The following COMMD1 variants were observed in gnomAD, a reference collection of about 807,000 sequenced individuals.
The protein encoded by COMMD1 is copper metabolism domain containing 1, also known as COMM domain-containing protein 1.
Under a neutral mutation model 17.2 loss-of-function variants are expected in COMMD1, and 10 were observed. The observed-to-expected ratio is 0.58, with a 90% CI of 0.36 to 0.99. COMMD1 has a LOEUF of 0.99. COMMD1 is among the 50% of genes least tolerant of loss of function. The pLI is 0.01. For synonymous variants in COMMD1, 97 were observed against 91.6 expected (o/e 1.06, Z -0.34); for missense variants, 270 against 231.8 (o/e 1.17, Z -1.07).
In COMMD1 at chr2:61,996,994, G is replaced by A. The variant is rs147345304; in HGVS notation, c.181-3707G>A. 1.9e-4 allele frequency among the ~76,000 whole-genome samples: 29 copies of A among 151,948 alleles called. No homozygotes were observed. In the East Asian group the frequency reaches 5.6e-3, roughly 29 times the overall value. On this transcript the variant is annotated intron_variant, in intron 1 of 2. Transcript: ENST00000311832. ...TTCCTGAAGGTTTTCAGTTTATTCT[G>A]CCTGGATCCATTAGAGTAATCACTG...
intron 1 of COMMD1, among the ~76,000 whole-genome samples, chr2:61,971,218 G>T (rs960767422): frequency 2.6e-5 from 4 of 152,218 alleles, no homozygotes; most frequent in Admixed American, 2.6e-4. Flanking sequence ...TCCTTGGCTG[G>T]TTGCCGTGAG....
chr2:61,957,532 G>T (rs1437221217), intron 1 of COMMD1, among the ~76,000 whole-genome samples: 1 of 152,094 alleles, frequency 6.6e-6, no homozygotes, highest in Non-Finnish European at 1.5e-5. Flanking sequence ...TGCTGGTTAA[G>T]TTGGAATCTG....
At chr2:61,915,018 T>C (rs1312990063) in intron 1 of COMMD1, among the ~76,000 whole-genome samples, 3 of 151,554 alleles carry the variant, frequency 2.0e-5, no homozygotes, top group African/African-American at 4.8e-5. Flanking sequence ...TTTTTTTTTT[T>C]TTTGAGATGG....
chr2:62,082,225 A>G (rs1326991565), intron 2 of COMMD1, among the ~76,000 whole-genome samples: 3 of 152,248 alleles, frequency 2.0e-5, no homozygotes, highest in Non-Finnish European at 4.4e-5. Context: ...GCTGAACAAC[A>G]GAACATAGAC....
chr2:62,065,573 G>T (rs1447511145), intron 2 of COMMD1, among the ~76,000 whole-genome samples: 1 of 151,866 alleles, frequency 6.6e-6, no homozygotes, highest in Non-Finnish European at 1.5e-5. Context: ...CCCTGCCTCA[G>T]CCTCCCAAAC....
In COMMD1 at chr2:62,135,926, C is replaced by T. The variant is rs759529377; in HGVS notation, c.558C>T (p.Ile186=). 15 of 1,581,802 alleles carry T rather than the reference C, an allele frequency of 9.5e-6. 1 individual carries two copies. The highest frequency in any genetic ancestry group is 1.7e-4 in the Middle Eastern group (1 of 5,996). ...SEVEESISTL[I]SQPN is the part of the protein sequence containing the mutation. Reference sequence around the variant, plus strand: ...TAGAAGAAAGTATCAGCACACTGATCAGCCAGCCTAACTGAAGATGATGTA... The same window carrying T: ...TAGAAGAAAGTATCAGCACACTGATTAGCCAGCCTAACTGAAGATGATGTA... Residue 186 remains isoleucine (I), a synonymous_variant, in exon 3 of 3, where the codon ATC becomes ATT. Transcript: ENST00000311832.
chr2:62,028,680 T>G (rs1669837744), intron 2 of COMMD1, among the ~76,000 whole-genome samples: 1 of 152,246 alleles, frequency 6.6e-6, no homozygotes, highest in African/African-American at 2.4e-5. Context: ...GGATGGATTA[T>G]AAAATTTAAT....
intron 2 of COMMD1, among the ~76,000 whole-genome samples, chr2:62,042,684 C>T (rs936478081): frequency 9.8e-5 from 15 of 152,344 alleles, no homozygotes; most frequent in South Asian, 4.1e-4. Flanking sequence ...GCTCCTCGAG[C>T]GCAGCCAGAG....
chr2:61,944,692 C>T (rs1670861721), intron 1 of COMMD1, among the ~76,000 whole-genome samples: 1 of 152,160 alleles, frequency 6.6e-6, no homozygotes, highest in Non-Finnish European at 1.5e-5. Flanking sequence ...TAGTGCAATA[C>T]AGGAAAGCAG....
intron 2 of COMMD1, among the ~76,000 whole-genome samples, chr2:62,040,508 T>C (rs1422248072): frequency 6.6e-6 from 1 of 152,188 alleles, no homozygotes; most frequent in East Asian, 1.9e-4. Flanking sequence ...CTTGTATTTT[T>C]CATGGTGAAA....
At chr2:61,948,098 A>G (rs1477413724) in intron 1 of COMMD1, among the ~76,000 whole-genome samples, 2 of 152,144 alleles carry the variant, frequency 1.3e-5, no homozygotes, top group Admixed American at 1.3e-4. Context: ...AAGACATTGA[A>G]GACATATCTT....
intron 2 of COMMD1, among the ~76,000 whole-genome samples, chr2:62,064,618 T>C (rs952688275): frequency 1.3e-5 from 2 of 152,230 alleles, no homozygotes; most frequent in African/African-American, 4.8e-5. Flanking sequence ...CATACAGAAG[T>C]CTCAATTCCC....
chr2:62,134,617 A>T (rs78897375), intron 2 of COMMD1, among the ~76,000 whole-genome samples: 72 of 117,958 alleles, frequency 6.1e-4, no homozygotes, highest in Admixed American at 1.3e-3. Context: ...AAAAAAAAAA[A>T]TTTTTTTTTT....
At chr2:61,894,695 TA>T (rs576368535) in intron 1 of COMMD1, among the ~76,000 whole-genome samples, 9,929 of 149,766 alleles carry the variant, frequency 0.066, 577 homozygotes, top group African/African-American at 0.15. Context: ...ATTTTTTAAT[TA>T]AAAAAAAAAT....
chr2:62,070,516 C>G (rs1262962517), intron 2 of COMMD1: 1 of 145,620 alleles, frequency 6.9e-6, no homozygotes, highest in Non-Finnish European at 1.5e-5. Context: ...CCACTGCAAC[C>G]TAGCCTGAAT....
chr2:62,027,702 C>T (rs1047343134), intron 2 of COMMD1, among the ~76,000 whole-genome samples: 1 of 151,802 alleles, frequency 6.6e-6, no homozygotes, highest in African/African-American at 2.4e-5. Context: ...GAGACAAGGT[C>T]TCGCTCTGTC....
intron 1 of COMMD1, among the ~76,000 whole-genome samples, chr2:61,970,018 A>T (rs1671604291): frequency 6.6e-6 from 1 of 152,066 alleles, no homozygotes; most frequent in South Asian, 2.1e-4. Context: ...GCACTCTGGG[A>T]GGCCAAGGTA....
In COMMD1 at chr2:62,016,745, T is replaced by G. The variant is rs1669460750; in HGVS notation, c.462+15763T>G. ...ATGTGGTCCAGTTTATTTTTACTTT[T>G]GTTGCCTGTGCTTTTGGTATCCTAT... On this transcript the variant is annotated intron_variant, in intron 2 of 2. Transcript: ENST00000311832. Among the ~76,000 whole-genome samples, 3 of 152,330 alleles carry G rather than the reference T, an allele frequency of 2.0e-5. No individual in the cohort carries two copies. In the South Asian group the frequency reaches 6.2e-4, roughly 32 times the overall value.
intron 1 of COMMD1, among the ~76,000 whole-genome samples, chr2:61,971,252 G>T (rs1291688702): frequency 6.6e-6 from 1 of 152,242 alleles, no homozygotes; most frequent in Non-Finnish European, 1.5e-5. Context: ...AAAGGGGCGT[G>T]AGAGCCTTTA....
Sources: gnomAD v4.1 joint callset for allele counts (sites outside exome capture counted in the v4.1 genomes callset) on GRCh38, gnomAD v4.1.1 for gene constraint, MANE v1.5 for transcripts, NCBI Gene and HGNC (gene_info 2026-07-23, HGNC 2026-07-21) for gene names.